Variants in ENOX1 observed in about 807,000 individuals in gnomAD.
ENOX1 encodes the protein ecto-NOX disulfide-thiol exchanger 1.
Under a neutral mutation model 82.5 loss-of-function variants are expected in ENOX1, and 42 were observed. The ratio of observed to expected loss-of-function variants is 0.51; its 90% confidence interval spans 0.40 to 0.66. The LOEUF (loss-of-function observed/expected upper bound fraction) is 0.66, where lower values mean the gene tolerates loss of function less well. Ranked by LOEUF, ENOX1 falls within the 30% of genes least tolerant of loss-of-function variation. The pLI is 0.00. For synonymous variants in ENOX1, 271 were observed against 282.2 expected, an observed-to-expected ratio of 0.96 and a Z score of 0.40; for missense variants, 608 against 811.6, an observed-to-expected ratio of 0.75 and a Z score of 3.05.
At chr13:43,641,529 ATT>A (rs769737189) in intron 2 of ENOX1, among the ~76,000 whole-genome samples, 147 of 83,108 alleles carry the variant, frequency 1.8e-3, no homozygotes, top group African/African-American at 5.4e-3. Context: ...TTAATTTTTA[ATT>A]TTTTTTTTTT....
rs2044576071 is a variant in ENOX1 at position 43,269,649 on chromosome 13, A to G, written c.1447-72T>C. ...TGATTTAAAAATATCCACAATACCC[A>G]TTCAAAATTATGAGTAGAAGATGTT... On this transcript the variant is annotated intron_variant, in intron 12 of 16. Transcript: ENST00000690772. 10 of 1,136,912 alleles carry G rather than the reference A, an allele frequency of 8.8e-6. No individual in the cohort carries two copies. The Admixed American group carries it at 1.7e-4, about 20-fold the overall frequency. The allele number at this position is 1,136,912 out of a possible 1,614,324, so 70.4% of individuals were successfully genotyped here. A position where few individuals can be genotyped will look rare whatever the true frequency, so the allele number is the denominator to read the frequency against.
chr13:43,541,451 T>C (rs972912262), intron 2 of ENOX1, among the ~76,000 whole-genome samples: 3 of 152,054 alleles, frequency 2.0e-5, no homozygotes, highest in Non-Finnish European at 4.4e-5. Flanking sequence ...CAGTGAGCTA[T>C]GACTGCACCA....
chr13:43,287,248 A>T (rs952404178), intron 12 of ENOX1, among the ~76,000 whole-genome samples: 4 of 152,194 alleles, frequency 2.6e-5, no homozygotes, highest in African/African-American at 9.6e-5. Context: ...GCATTGGAGT[A>T]AACAGCACAG....
At chr13:43,379,036 G>T (rs2051842797) in intron 5 of ENOX1, among the ~76,000 whole-genome samples, 1 of 152,030 alleles carries the variant, frequency 6.6e-6, no homozygotes, top group Non-Finnish European at 1.5e-5. Context: ...TTTTGAAGAT[G>T]GAAGACAGCA....
chr13:43,626,244 C>T (rs1479234278), intron 2 of ENOX1, among the ~76,000 whole-genome samples: 3 of 151,742 alleles, frequency 2.0e-5, no homozygotes, highest in African/African-American at 7.2e-5. Flanking sequence ...GTCAGTCTTG[C>T]TAGAAGCTAA....
intron 14 of ENOX1, among the ~76,000 whole-genome samples, chr13:43,253,966 A>C (rs57444328): frequency 0.031 from 4,693 of 152,262 alleles, 279 homozygotes; most frequent in East Asian, 0.21. Flanking sequence ...TTAAAATGAT[A>C]TTGCTTGCAT....
intron 2 of ENOX1, among the ~76,000 whole-genome samples, chr13:43,511,769 G>T (rs1030046374): frequency 6.6e-6 from 1 of 152,082 alleles, no homozygotes; most frequent in Admixed American, 6.6e-5. Flanking sequence ...CTCCTTGTAG[G>T]GGAAAAACTG....
intron 2 of ENOX1, among the ~76,000 whole-genome samples, chr13:43,608,814 C>T (rs2082079445): frequency 6.6e-6 from 1 of 152,188 alleles, no homozygotes; most frequent in African/African-American, 2.4e-5. Context: ...GTGAGGTATA[C>T]AGGTAGCAAC....
At chr13:43,370,149 C>T (rs9594931) in intron 5 of ENOX1, among the ~76,000 whole-genome samples, 4 of 151,946 alleles carry the variant, frequency 2.6e-5, no homozygotes, top group African/African-American at 4.8e-5. Context: ...AGGTGGATCA[C>T]GAAGTCCAGA....
At chr13:43,244,805 G>A (rs948069771) in intron 14 of ENOX1, among the ~76,000 whole-genome samples, 3 of 152,136 alleles carry the variant, frequency 2.0e-5, no homozygotes, top group Admixed American at 6.5e-5. Context: ...CACAAGGCTC[G>A]TTTTCCTTCC....
chr13:43,612,665 T>G (rs1224459007), intron 2 of ENOX1, among the ~76,000 whole-genome samples: 1 of 152,202 alleles, frequency 6.6e-6, no homozygotes, highest in Non-Finnish European at 1.5e-5. Context: ...AGAACTTGTT[T>G]CAAAAAGTTA....
At position 43,673,175 on chromosome 13, in the gene ENOX1, G is replaced by GTGTA. The variant is rs143949240; in HGVS notation, c.-284-5632_-284-5631insTACA. ...TTCCATAAAATTTGTTTGCATGTGT[G>GTGTA]TATATATATATATATATACATGTTC... On this transcript the variant is annotated intron_variant, in intron 1 of 16. Transcript: ENST00000690772. Among the ~76,000 whole-genome samples the GTGTA allele has an allele frequency of 6.3e-3, 941 of 148,928 alleles. 13 individuals carry two copies. Among genetic ancestry groups the GTGTA allele is most frequent in the African/African-American group, 0.022 (889 of 40,802 alleles).
chr13:43,358,927 A>C (rs2050320319), intron 7 of ENOX1, among the ~76,000 whole-genome samples: 1 of 152,230 alleles, frequency 6.6e-6, no homozygotes, highest in Non-Finnish European at 1.5e-5. Context: ...AAAGTTCTCC[A>C]TATCACTGTC....
At chr13:43,351,672 C>T (rs1039647600) in intron 8 of ENOX1, among the ~76,000 whole-genome samples, 3 of 145,966 alleles carry the variant, frequency 2.1e-5, no homozygotes, top group Admixed American at 7.1e-5. Context: ...TGAGAATATG[C>T]GGTGTTTGCT....
intron 2 of ENOX1, among the ~76,000 whole-genome samples, chr13:43,646,640 G>C (rs1233192840): frequency 6.6e-6 from 1 of 152,086 alleles, no homozygotes; most frequent in Non-Finnish European, 1.5e-5. Context: ...TGCTGTCACA[G>C]GCTAACCTGT....
chr13:43,695,321 C>G (rs2086578240), intron 1 of ENOX1, among the ~76,000 whole-genome samples: 1 of 152,124 alleles, frequency 6.6e-6, no homozygotes, highest in South Asian at 2.1e-4. Flanking sequence ...CCTAACCTCT[C>G]TGAGCCTTGA....
chr13:43,334,220 A>G (rs568589886), intron 9 of ENOX1, among the ~76,000 whole-genome samples: 1 of 152,250 alleles, frequency 6.6e-6, no homozygotes, highest in East Asian at 1.9e-4. Flanking sequence ...AGGTGCTAGT[A>G]TGAATGCCCA....
At chr13:43,431,720 C>T (rs2055676539) in intron 3 of ENOX1, among the ~76,000 whole-genome samples, 1 of 152,094 alleles carries the variant, frequency 6.6e-6, no homozygotes, top group Non-Finnish European at 1.5e-5. Context: ...TATGTATAAA[C>T]ACACCGTATT....
At chr13:43,613,732 T>A (rs1329288) in intron 2 of ENOX1, among the ~76,000 whole-genome samples, 1 of 151,928 alleles carries the variant, frequency 6.6e-6, no homozygotes, top group Non-Finnish European at 1.5e-5. Flanking sequence ...TAGAAGGTCT[T>A]AACAGACCTA....
Sources: allele counts gnomAD v4.1 joint callset (sites outside exome capture counted in the v4.1 genomes callset), GRCh38; gene constraint gnomAD v4.1.1; transcripts MANE v1.5; gene names NCBI Gene and HGNC (gene_info 2026-07-23, HGNC 2026-07-21).